Variants in SETBP1 observed in about 807,000 individuals in gnomAD.
SETBP1 encodes SET-binding protein.
Under a neutral mutation model 101.0 loss-of-function variants are expected in SETBP1, and 9 were observed. The observed-to-expected ratio is 0.09, with a 90% CI of 0.05 to 0.16. The LOEUF is 0.16. SETBP1 is among the 10% of genes least tolerant of loss of function. SETBP1 has a pLI of 1.00. For synonymous variants in SETBP1, 818 were observed against 788.5 expected (o/e 1.04, Z -0.63); for missense variants, 1,858 against 2,033.8 (o/e 0.91, Z 1.66).
intron 4 of SETBP1, among the ~76,000 whole-genome samples, chr18:45,012,828 G>T (rs920552065): frequency 2.0e-5 from 3 of 152,152 alleles, no homozygotes; most frequent in South Asian, 2.1e-4. Flanking sequence ...CATGGACATA[G>T]ATTGTGGACT....
At chr18:44,736,321 G>GC (rs1255155131) in intron 2 of SETBP1, among the ~76,000 whole-genome samples, 1 of 152,190 alleles carries the variant, frequency 6.6e-6, no homozygotes, top group African/African-American at 2.4e-5. Context: ...CGAGGCTGCA[G>GC]CAAGTCATGA....
intron 4 of SETBP1, among the ~76,000 whole-genome samples, chr18:44,991,244 CAAAAAAAAAAAAAAAAAAAAAAGGAAG>C (rs2072370929): frequency 1.5e-5 from 1 of 68,216 alleles, no homozygotes; most frequent in South Asian, 5.3e-4. Context: ...CTGCATCTCA[CAAAAAAAAAAAAAAAAAAAAAAGGAAG>C]AAACAAGAAA....
chr18:44,843,740 G>A (rs759798086), intron 2 of SETBP1, among the ~76,000 whole-genome samples: 1 of 152,162 alleles, frequency 6.6e-6, no homozygotes, highest in Non-Finnish European at 1.5e-5. Context: ...CCTGGGAGCG[G>A]GAAAGGTGAT....
chr18:44,881,529 A>C (rs1171814253), intron 3 of SETBP1, among the ~76,000 whole-genome samples: 2 of 152,210 alleles, frequency 1.3e-5, no homozygotes, highest in Non-Finnish European at 2.9e-5. Flanking sequence ...GAAATTCCCC[A>C]TCAGCTGTAA....
chr18:44,916,472 C>T (rs1310952612), intron 3 of SETBP1, among the ~76,000 whole-genome samples: 1 of 152,106 alleles, frequency 6.6e-6, no homozygotes, highest in East Asian at 1.9e-4. Context: ...CTTCATTCCA[C>T]AGATATTTAT....
chr18:44,769,860 C>T (rs1483437417), intron 2 of SETBP1, among the ~76,000 whole-genome samples: 7 of 152,124 alleles, frequency 4.6e-5, no homozygotes, highest in African/African-American at 1.2e-4. Flanking sequence ...GCATCGAGAC[C>T]GACAGCACCT....
intron 3 of SETBP1, among the ~76,000 whole-genome samples, chr18:44,885,544 A>G (rs113292423): frequency 2.0e-5 from 3 of 152,210 alleles, no homozygotes; most frequent in African/African-American, 7.2e-5. Flanking sequence ...TTGGTAACAC[A>G]TGAACATTGA....
intron 2 of SETBP1, among the ~76,000 whole-genome samples, chr18:44,836,922 A>T (rs1163147891): frequency 4.7e-5 from 7 of 150,280 alleles, no homozygotes; most frequent in Admixed American, 2.0e-4. Context: ...TTACATCCCT[A>T]TTTTTTTTTC....
intron 3 of SETBP1, among the ~76,000 whole-genome samples, chr18:44,872,866 C>T (rs1345289373): frequency 6.6e-6 from 1 of 152,218 alleles, no homozygotes; most frequent in Non-Finnish European, 1.5e-5. Context: ...CAACGAACGT[C>T]CACCACAGAG....
At chr18:44,958,718 G>A (rs898662309) in intron 4 of SETBP1, among the ~76,000 whole-genome samples, 2 of 152,128 alleles carry the variant, frequency 1.3e-5, no homozygotes, top group African/African-American at 2.4e-5. Flanking sequence ...GAGATGTTAA[G>A]CTATATGTTT....
intron 2 of SETBP1, among the ~76,000 whole-genome samples, chr18:44,739,472 C>A (rs1331913159): frequency 6.6e-6 from 1 of 152,112 alleles, no homozygotes; most frequent in African/African-American, 2.4e-5. Flanking sequence ...AAACAAAAAG[C>A]AATTTGCTAT....
chr18:44,918,602 C>A (rs2144919896), intron 3 of SETBP1, among the ~76,000 whole-genome samples: 1 of 152,274 alleles, frequency 6.6e-6, no homozygotes, highest in Non-Finnish European at 1.5e-5. Flanking sequence ...GGACAGGAAC[C>A]CAGCAGTAGG....
chr18:44,893,500 C>T (rs913088731), intron 3 of SETBP1, among the ~76,000 whole-genome samples: 4 of 152,180 alleles, frequency 2.6e-5, no homozygotes, highest in Non-Finnish European at 5.9e-5. Context: ...CTAGCTGGTG[C>T]ACATAGTTAG....
At chr18:44,899,051 G>A (rs2144820170) in intron 3 of SETBP1, among the ~76,000 whole-genome samples, 1 of 152,246 alleles carries the variant, frequency 6.6e-6, no homozygotes, top group South Asian at 2.1e-4. Context: ...CTAGTCTGGG[G>A]TCCTCCATGA....
At chr18:44,907,320 G>T (rs111371978) in intron 3 of SETBP1, among the ~76,000 whole-genome samples, 7 of 152,148 alleles carry the variant, frequency 4.6e-5, no homozygotes, top group Non-Finnish European at 7.4e-5. Context: ...GAACATTTAT[G>T]TAGAAGTTTT....
In SETBP1 at chr18:44,916,475, A is replaced by G. The variant is rs1017553486; in HGVS notation, c.541-33406A>G. Reference sequence around the variant, plus strand: ...TTTCTTTCTTTCCTTCATTCCACAGATATTTATTAAGTTCTTCTCAAGCTC... The same window carrying G: ...TTTCTTTCTTTCCTTCATTCCACAGGTATTTATTAAGTTCTTCTCAAGCTC... On this transcript the variant is annotated intron_variant, in intron 3 of 5. Coordinates refer to ENST00000649279, the MANE Select transcript of SETBP1 (RefSeq NM_015559.3). Among the ~76,000 whole-genome samples, 5 of 151,944 alleles carry G rather than the reference A, an allele frequency of 3.3e-5. No homozygotes were observed. In the South Asian group the frequency reaches 8.3e-4, roughly 25 times the overall value.
chr18:44,959,025 G>T (rs920116603), intron 4 of SETBP1, among the ~76,000 whole-genome samples: 2 of 152,156 alleles, frequency 1.3e-5, no homozygotes, highest in Non-Finnish European at 2.9e-5. Flanking sequence ...CATATCCTTT[G>T]CTACATTGAA....
chr18:44,764,427 C>CCTT, intron 2 of SETBP1, among the ~76,000 whole-genome samples: 1 of 151,986 alleles, frequency 6.6e-6, no homozygotes, highest in Middle Eastern at 3.4e-3. Context: ...TGGCTGTCCT[C>CCTT]CTTCTTCTTC....
chr18:44,898,561 A>G (rs180791258), intron 3 of SETBP1, among the ~76,000 whole-genome samples: 1 of 152,030 alleles, frequency 6.6e-6, no homozygotes, highest in African/African-American at 2.4e-5. Flanking sequence ...AGGGGCCCCA[A>G]TTTCCTGAGT....
Sources: gnomAD v4.1 joint callset for allele counts (sites outside exome capture counted in the v4.1 genomes callset) on GRCh38, gnomAD v4.1.1 for gene constraint, MANE v1.5 for transcripts, NCBI Gene and HGNC (gene_info 2026-07-23, HGNC 2026-07-21) for gene names.